The following AXDND1 variants were observed in gnomAD, a reference collection of about 807,000 sequenced individuals.
The protein encoded by AXDND1 is axonemal dynein light chain domain containing 1.
A neutral mutation model predicts 137.5 loss-of-function variants in AXDND1; 110 were observed. That is an observed-to-expected ratio of 0.80 (90% CI 0.69 to 0.94). The LOEUF (loss-of-function observed/expected upper bound fraction) is 0.94. AXDND1 is among the 40% of genes least tolerant of loss of function. The probability of loss-of-function intolerance (pLI) is 0.00; values close to 1 mark genes in which losing one functional copy is unlikely to be tolerated. For missense variants in AXDND1, 1,191 were observed against 1,169.8 expected, an observed-to-expected ratio of 1.02 and a Z score of -0.26; for synonymous variants, 414 against 399.7, an observed-to-expected ratio of 1.04 and a Z score of -0.43.
At chr1:179,397,449 A>G (rs1008960305) in intron 11 of AXDND1, among the ~76,000 whole-genome samples, 2 of 151,960 alleles carry the variant, frequency 1.3e-5, no homozygotes, top group Non-Finnish European at 2.9e-5. Context: ...TGAGAATCTG[A>G]TGATTATGTG....
rs555110551 is a variant in AXDND1, at chr1:179,522,061, C to T, written c.2497-3273C>T. On this transcript the variant is annotated intron_variant, in intron 21 of 25. Transcript: ENST00000367618. ...TCTTTTGTTAGATCTGGAAAATTCTCAGTCATCTATTCAAATATTGCCTCT... is the reference window on the plus strand; with the variant it reads ...TCTTTTGTTAGATCTGGAAAATTCTTAGTCATCTATTCAAATATTGCCTCT... Among the ~76,000 whole-genome samples the T allele has an allele frequency of 9.2e-5, 14 of 152,198 alleles. No individual in the cohort carries two copies. The South Asian group carries it at 2.7e-3, about 29-fold the overall frequency.
intron 21 of AXDND1, among the ~76,000 whole-genome samples, chr1:179,514,358 G>A (rs532576236): frequency 1.1e-4 from 16 of 152,054 alleles, no homozygotes; most frequent in South Asian, 1.0e-3. Context: ...GTTATTTAAC[G>A]TCCATGTATT....
rs776126305 is a variant in AXDND1, at chr1:179,429,602, A to G, written c.1315A>G (p.Ile439Val). 165 of 1,572,734 alleles carry G rather than the reference A, an allele frequency of 1.0e-4. No individual in the cohort carries two copies. The highest frequency in any genetic ancestry group is 1.3e-4 in the Non-Finnish European group (155 of 1,163,712). ...GWNKYTKHFI[I>V]LLSNKDTEDL... ...GAATAAATACACTAAGCATTTCATCATACTGCTATCAAACAAGGTAAAGGT... is the reference window on the plus strand; with the variant it reads ...GAATAAATACACTAAGCATTTCATCGTACTGCTATCAAACAAGGTAAAGGT... The change falls in exon 13 of 26, where the codon ATA (isoleucine) becomes GTA (valine). Residue 439 changes from isoleucine (I) to valine (V), a missense_variant. Physicochemically the swap from Ile to Val is conservative, Grantham distance 29. Coordinates refer to ENST00000367618, the MANE Select transcript of AXDND1 (RefSeq NM_144696.6).
chr1:179,375,482 A>G (rs1230521196), intron 4 of AXDND1, among the ~76,000 whole-genome samples: 1 of 143,584 alleles, frequency 7.0e-6, no homozygotes, highest in African/African-American at 2.5e-5. Context: ...ATTATATAAA[A>G]TATATATAAT....
In AXDND1 at chr1:179,379,489, A is replaced by T; in HGVS notation, c.581+7A>T. ...GTTTGGAGTGTTATGATGAGTGAGT[A>T]CTATGATATGTAAAAAATACCTGCC... On this transcript the variant is annotated splice_region_variant and intron_variant, in intron 6 of 25. Coordinates refer to ENST00000367618, the MANE Select transcript of AXDND1 (RefSeq NM_144696.6). 1 of 1,610,082 alleles carries T rather than the reference A, an allele frequency of 6.2e-7. No individual in the cohort carries two copies. The highest frequency in any genetic ancestry group is 8.5e-7 in the Non-Finnish European group (1 of 1,178,652).
intron 15 of AXDND1, among the ~76,000 whole-genome samples, chr1:179,435,227 T>C (rs1356290671): frequency 6.6e-6 from 1 of 152,182 alleles, no homozygotes; most frequent in Non-Finnish European, 1.5e-5. Flanking sequence ...TCCATCCTCA[T>C]GGATAGGAAA....
At chr1:179,541,399 C>T (rs1436184017) in intron 25 of AXDND1, among the ~76,000 whole-genome samples, 2 of 152,160 alleles carry the variant, frequency 1.3e-5, no homozygotes, top group Admixed American at 6.5e-5. Context: ...CAGAAATCAC[C>T]CGTCTTCTGC....
At chr1:179,550,510 A>G (rs549242200) in intron 25 of AXDND1, 3,239 of 152,488 alleles carry the variant, frequency 0.021, 51 homozygotes, top group Non-Finnish European at 0.027. Context: ...TTATTTCTTT[A>G]TTTAAAAAAG....
At chr1:179,455,793 G>A (rs1266471720) in intron 16 of AXDND1, 1 of 178,956 alleles carries the variant, frequency 5.6e-6, no homozygotes, top group Non-Finnish European at 1.2e-5. Context: ...AAACCCAATA[G>A]AATTGAGTCA....
chr1:179,459,787 C>A (rs1255834494), intron 16 of AXDND1, among the ~76,000 whole-genome samples: 1 of 98,448 alleles, frequency 1.0e-5, no homozygotes, highest in Non-Finnish European at 2.2e-5. Context: ...TCTTTATTTT[C>A]TTTCTCTCTC....
intron 17 of AXDND1, among the ~76,000 whole-genome samples, chr1:179,478,685 C>G (rs1664936476): frequency 6.6e-6 from 1 of 152,230 alleles, no homozygotes; most frequent in African/African-American, 2.4e-5. Flanking sequence ...CATTTGGCTC[C>G]TCATTACTTA....
At chr1:179,549,031 C>T (rs891145919) in intron 25 of AXDND1, 10 of 152,148 alleles carry the variant, frequency 6.6e-5, no homozygotes, top group African/African-American at 1.9e-4. Context: ...AGGGGCATGT[C>T]ATTTTGGTCA....
intron 17 of AXDND1, among the ~76,000 whole-genome samples, chr1:179,475,483 G>C (rs1373641047): frequency 6.6e-6 from 1 of 152,216 alleles, no homozygotes; most frequent in Non-Finnish European, 1.5e-5. Context: ...TTATTTAGAA[G>C]CTTTAAGATT....
intron 16 of AXDND1, among the ~76,000 whole-genome samples, 182 bp from the exon 17 acceptor site, chr1:179,468,261 T>A (rs1404310332): frequency 6.6e-6 from 1 of 152,208 alleles, no homozygotes; most frequent in Non-Finnish European, 1.5e-5. Flanking sequence ...AATTACACAG[T>A]GCTTATTCAT....
At chr1:179,443,113 C>T (rs1224185997) in intron 15 of AXDND1, among the ~76,000 whole-genome samples, 1 of 152,282 alleles carries the variant, frequency 6.6e-6, no homozygotes, top group Non-Finnish European at 1.5e-5. Context: ...AGGAGCCCAG[C>T]GCCAAGGAGT....
chr1:179,499,463 C>T (rs1667781567), intron 20 of AXDND1, among the ~76,000 whole-genome samples: 1 of 151,986 alleles, frequency 6.6e-6, no homozygotes, highest in South Asian at 2.1e-4. Context: ...TTAGTGGCTG[C>T]CTGGAGCTTG....
At chr1:179,534,705 T>C (rs1337975191) in intron 24 of AXDND1, 25 bp from the exon 25 acceptor site, 1 of 1,552,620 alleles carries the variant, frequency 6.4e-7, no homozygotes, top group Non-Finnish European at 8.6e-7. Context: ...CTTTCTATTT[T>C]GTTGTGTCTT....
At chr1:179,410,841 A>G (rs1653757675) in intron 11 of AXDND1, among the ~76,000 whole-genome samples, 1 of 152,194 alleles carries the variant, frequency 6.6e-6, no homozygotes, top group South Asian at 2.1e-4. Flanking sequence ...CCATTGGAAT[A>G]TCATGTCAGA....
intron 9 of AXDND1, 99 bp from the exon 10 acceptor site, chr1:179,393,804 A>G: frequency 4.0e-6 from 4 of 991,266 alleles, no homozygotes; most frequent in Non-Finnish European, 5.7e-6. Context: ...TTCTTGGTGT[A>G]TAGCAGTGCT....
Sources: gnomAD v4.1 joint callset for allele counts (sites outside exome capture counted in the v4.1 genomes callset) on GRCh38, gnomAD v4.1.1 for gene constraint, MANE v1.5 for transcripts, NCBI Gene and HGNC (gene_info 2026-07-23, HGNC 2026-07-21) for gene names.